LOXHD1: variants seen among roughly 807,000 people sequenced by gnomAD.
LOXHD1 encodes lipoxygenase homology PLAT domains 1, also known as lipoxygenase homology domain-containing protein 1.
In LOXHD1, 205 loss-of-function variants were observed where a neutral mutation model predicts 248.2. The observed-to-expected ratio is 0.83, with a 90% CI of 0.74 to 0.93. The LOEUF is 0.93. Among genes scored for constraint, LOXHD1 ranks in the 40% least tolerant of loss-of-function variants. LOXHD1 has a pLI of 0.00. For synonymous variants in LOXHD1, 1,113 were observed against 1,162.8 expected (o/e 0.96, Z 0.87); for missense variants, 2,930 against 2,971.6 (o/e 0.99, Z 0.33).
At chr18:46,522,399 G>GATCAGTGCCCTCAGA in intron 31 of LOXHD1, 90 bp from the exon 32 acceptor site, 3 of 1,077,340 alleles carry the variant, frequency 2.8e-6, no homozygotes, top group Non-Finnish European at 4.1e-6. Flanking sequence ...TGACCTCTGA[G>GATCAGTGCCCTCAGA]GGCACTGATC....
chr18:46,576,340 C>T (rs1486324027), intron 14 of LOXHD1, among the ~76,000 whole-genome samples: 2 of 152,122 alleles, frequency 1.3e-5, no homozygotes, highest in African/African-American at 2.4e-5. Context: ...CCCCGCTTCC[C>T]CCGTGGCTTA....
chr18:46,639,105 C>T (rs1299006323), intron 4 of LOXHD1, among the ~76,000 whole-genome samples: 1 of 152,148 alleles, frequency 6.6e-6, no homozygotes, highest in Non-Finnish European at 1.5e-5. Flanking sequence ...GGCCTTTGCC[C>T]AGAGATGTCA....
At chr18:46,655,595 C>T (rs2039170299) in intron 1 of LOXHD1, among the ~76,000 whole-genome samples, 1 of 152,200 alleles carries the variant, frequency 6.6e-6, no homozygotes, top group South Asian at 2.1e-4. Flanking sequence ...GTGGCGGATG[C>T]TTCCTTTTTC....
Position 46,522,290 on chromosome 18 carries a change from T to C in LOXHD1, c.4896A>G (p.Ser1632=). Residue 1632 remains serine (S), a synonymous_variant, in exon 32 of 41, where the codon TCA becomes TCG. Transcript: ENST00000642948. The stretch of plus-strand genomic sequence containing the variant: ...CGTCCTTGTGCTTCCCAGTGGTGAC[T>C]GACACATAGTAGGGAATAACTGCAA... ...QEGPIIPYYV[S]VTTGKHKDAA... The C allele has an allele frequency of 6.4e-7, 1 of 1,551,778 alleles. No individual in the cohort carries two copies. Among genetic ancestry groups the C allele is most frequent in the South Asian group, 1.2e-5 (1 of 84,054 alleles).
At chr18:46,521,797 C>G (rs2035589714) in intron 32 of LOXHD1, among the ~76,000 whole-genome samples, 1 of 152,162 alleles carries the variant, frequency 6.6e-6, no homozygotes, top group South Asian at 2.1e-4. Flanking sequence ...GACTCCTGAC[C>G]CATGAAACTG....
In LOXHD1 at chr18:46,518,143, G is replaced by C. The variant is rs1362602569; in HGVS notation, c.5385C>G (p.Asp1795Glu). ...CCTCCAGGTACCTGGCTTTCTTTTTGTCCAGCTGCATCTCCTCTGTGCTCC... is the reference window on the plus strand; with the variant it reads ...CCTCCAGGTACCTGGCTTTCTTTTTCTCCAGCTGCATCTCCTCTGTGCTCC... ...INGSTEEMQL[D>E]KKKARFEREQ... is the part of the protein sequence containing the mutation. Residue 1795 changes from aspartate to glutamate, a missense_variant, in exon 34 of 41, where the codon GAC becomes GAG. By Grantham distance (45) the Asp-to-Glu change is conservative. Coordinates refer to ENST00000642948, the MANE Select transcript of LOXHD1 (RefSeq NM_001384474.1). 6.4e-7 allele frequency: 1 copy of C among 1,551,546 alleles called. No individual in the cohort carries two copies. Among genetic ancestry groups the C allele is most frequent in the Non-Finnish European group, 8.7e-7 (1 of 1,147,008 alleles).
At chr18:46,534,556 A>G (rs1362494653) in intron 26 of LOXHD1, 105 bp from the exon 27 acceptor site, 4 of 822,912 alleles carry the variant, frequency 4.9e-6, no homozygotes, top group Middle Eastern at 2.2e-4. Flanking sequence ...GTCCCTTTGC[A>G]TTTCCTCCTG....
intron 2 of LOXHD1, among the ~76,000 whole-genome samples, chr18:46,644,153 G>A (rs1301076985): frequency 6.6e-6 from 1 of 152,182 alleles, no homozygotes; most frequent in African/African-American, 2.4e-5. Context: ...AGCCCAGCCT[G>A]CAGGCTGCCT....
At chr18:46,643,092 T>C (rs1430732151) in intron 2 of LOXHD1, among the ~76,000 whole-genome samples, 2 of 152,248 alleles carry the variant, frequency 1.3e-5, no homozygotes, top group Non-Finnish European at 2.9e-5. Flanking sequence ...TTTAAGGTTC[T>C]ACAGAACCCA....
intron 2 of LOXHD1, among the ~76,000 whole-genome samples, chr18:46,648,603 C>T (rs375266548): frequency 1.3e-5 from 2 of 152,080 alleles, no homozygotes; most frequent in Non-Finnish European, 2.9e-5. Context: ...GGAAAGGATC[C>T]GAAGGAGACA....
chr18:46,558,070 G>C, intron 20 of LOXHD1: 3 of 985,882 alleles, frequency 3.0e-6, no homozygotes, highest in Non-Finnish European at 3.6e-6. Flanking sequence ...AAGTAAATGG[G>C]GCCTTCTTGG....
intron 8 of LOXHD1, among the ~76,000 whole-genome samples, chr18:46,595,138 C>T (rs1302889927): frequency 6.6e-6 from 1 of 152,168 alleles, no homozygotes; most frequent in East Asian, 1.9e-4. Context: ...AGGTTTTGAC[C>T]AACCATTGTC....
chr18:46,536,559 G>A (rs1434331302), intron 26 of LOXHD1, among the ~76,000 whole-genome samples: 1 of 152,152 alleles, frequency 6.6e-6, no homozygotes, highest in Non-Finnish European at 1.5e-5. Flanking sequence ...TCTATTAGTG[G>A]GGACTTCATT....
At chr18:46,510,768 A>G (rs1037041361) in intron 34 of LOXHD1, among the ~76,000 whole-genome samples, 15 of 152,216 alleles carry the variant, frequency 9.9e-5, no homozygotes, top group Admixed American at 5.9e-4. Context: ...AACAGAGACA[A>G]TCTCTTCTGA....
chr18:46,592,472 C>T (rs765601355), intron 11 of LOXHD1, 26 bp downstream of exon 11: 1 of 1,536,656 alleles, frequency 6.5e-7, no homozygotes, highest in Admixed American at 2.0e-5. Context: ...CAACAACCTC[C>T]CAAACCCCAA....
At position 46,547,368 on chromosome 18, in the gene LOXHD1, C is replaced by T. The variant is rs111460107; in HGVS notation, c.3351-310G>A. Reference sequence around the variant, plus strand: ...AAGTATCTAGAAGGAGAGGGACATACGGGGACCTTTCCAACCCTTTCCAGA... The same window carrying T: ...AAGTATCTAGAAGGAGAGGGACATATGGGGACCTTTCCAACCCTTTCCAGA... On this transcript the variant is annotated intron_variant, in intron 21 of 40. Transcript: ENST00000642948. Among the ~76,000 whole-genome samples the T allele has an allele frequency of 2.9e-3, 440 of 152,284 alleles. 3 individuals are homozygous for T. The highest frequency in any genetic ancestry group is 9.9e-3 in the African/African-American group (412 of 41,546).
chr18:46,583,218 C>T (rs1462265554), intron 12 of LOXHD1, among the ~76,000 whole-genome samples: 2 of 152,068 alleles, frequency 1.3e-5, no homozygotes, highest in Non-Finnish European at 2.9e-5. Flanking sequence ...GATTAAACTG[C>T]TAGAAGAAAA....
intron 5 of LOXHD1, among the ~76,000 whole-genome samples, chr18:46,613,705 T>C (rs921401491): frequency 6.6e-6 from 1 of 152,180 alleles, no homozygotes; most frequent in Non-Finnish European, 1.5e-5. Flanking sequence ...TAGATAGCCT[T>C]ATATTTTTCA....
chr18:46,479,523 C>T (rs2032365613), intron 40 of LOXHD1, among the ~76,000 whole-genome samples: 1 of 152,060 alleles, frequency 6.6e-6, no homozygotes, highest in Non-Finnish European at 1.5e-5. Flanking sequence ...CTGCCACCTA[C>T]CATCTGTGTG....
Sources: gnomAD v4.1 joint callset for allele counts (sites outside exome capture counted in the v4.1 genomes callset) on GRCh38, gnomAD v4.1.1 for gene constraint, MANE v1.5 for transcripts, NCBI Gene and HGNC (gene_info 2026-07-23, HGNC 2026-07-21) for gene names.